SLC14A2: variants seen among roughly 807,000 people sequenced by gnomAD.
SLC14A2 encodes solute carrier family 14 member 2, also known as urea transporter 2.
In SLC14A2, 91 loss-of-function variants were observed where a neutral mutation model predicts 104.6. The observed-to-expected ratio is 0.87, with a 90% CI of 0.73 to 1.04. The LOEUF is 1.04. SLC14A2 is among the 50% of genes least tolerant of loss of function. The probability of loss-of-function intolerance (pLI) is 0.00; values close to 1 mark genes in which losing one functional copy is unlikely to be tolerated. For missense variants in SLC14A2, 1,189 were observed against 1,156.0 expected, an observed-to-expected ratio of 1.03 and a Z score of -0.41; for synonymous variants, 476 against 466.4, an observed-to-expected ratio of 1.02 and a Z score of -0.27.
intron 2 of SLC14A2, among the ~76,000 whole-genome samples, chr18:45,609,474 T>C (rs1469946983): frequency 6.6e-6 from 1 of 152,166 alleles, no homozygotes; most frequent in Non-Finnish European, 1.5e-5. Flanking sequence ...CAACTACTTA[T>C]GGTTTTTACT....
At chr18:45,568,913 G>C (rs2044306151) in intron 2 of SLC14A2, among the ~76,000 whole-genome samples, 1 of 152,170 alleles carries the variant, frequency 6.6e-6, no homozygotes, top group South Asian at 2.1e-4. Context: ...TGGACACTAT[G>C]GAATTGATGG....
At chr18:45,278,502 G>T (rs2084727247) in intron 1 of SLC14A2, among the ~76,000 whole-genome samples, 2 of 152,172 alleles carry the variant, frequency 1.3e-5, no homozygotes, top group South Asian at 4.1e-4. Flanking sequence ...GAGCACCTGA[G>T]TTGGGCAGGA....
At chr18:45,600,028 G>T (rs8092620) in intron 2 of SLC14A2, among the ~76,000 whole-genome samples, 74,471 of 151,728 alleles carry the variant, frequency 0.49, 19,424 homozygotes, top group East Asian at 0.85. Context: ...CAATATCAGA[G>T]CCCTTCTCAG....
At chr18:45,332,578 GAACTTCTTTCAAGAGACTTCCAA>G (rs1251802639) in intron 1 of SLC14A2, among the ~76,000 whole-genome samples, 1 of 152,076 alleles carries the variant, frequency 6.6e-6, no homozygotes, top group Non-Finnish European at 1.5e-5. Context: ...GTTCCTGTAG[GAACTTCTTTCAAGAGACTTCCAA>G]AATAGTAGAA....
At chr18:45,224,177 T>G (rs182434368) in intron 1 of SLC14A2, among the ~76,000 whole-genome samples, 16 of 152,314 alleles carry the variant, frequency 1.1e-4, no homozygotes, top group Admixed American at 2.6e-4. Flanking sequence ...TGCTGTGCAG[T>G]GTCCTAGAGC....
At chr18:45,572,593 C>CATCT (rs989833088) in intron 2 of SLC14A2, among the ~76,000 whole-genome samples, 4 of 152,218 alleles carry the variant, frequency 2.6e-5, no homozygotes, top group Non-Finnish European at 4.4e-5. Context: ...CCTCACTATT[C>CATCT]ATCTATCTGT....
At chr18:45,347,228 C>T (rs1179046892) in intron 1 of SLC14A2, among the ~76,000 whole-genome samples, 1 of 151,954 alleles carries the variant, frequency 6.6e-6, no homozygotes, top group Non-Finnish European at 1.5e-5. Flanking sequence ...TGGTGGCATG[C>T]ACCTATAGTC....
rs1568304240 is a variant in SLC14A2, at chr18:45,626,943, CTCTG to C, written c.332-11_332-8del. 2.5e-6 allele frequency: 4 copies of C among 1,603,290 alleles called. No individual in the cohort carries two copies. The highest frequency in any genetic ancestry group is 2.2e-5 in the South Asian group (2 of 90,272). The stretch of plus-strand genomic sequence containing the variant: ...AAGCTGGACCTGCTGATGGCTCGCT[CTCTG>C]TCTCTTTCAGACAAGCACCTTGCCC... On this transcript the variant is annotated splice_polypyrimidine_tract_variant and intron_variant, in intron 3 of 19. Transcript: ENST00000255226.
chr18:45,188,054 C>T, the SLC14A2 span, among the ~76,000 whole-genome samples: 8 of 152,134 alleles, frequency 5.3e-5, no homozygotes, highest in East Asian at 1.2e-3. Context: ...CATCAAATTT[C>T]CCGGTTGGGA....
intron 1 of SLC14A2, among the ~76,000 whole-genome samples, chr18:45,289,783 G>A (rs1198251372): frequency 6.6e-6 from 1 of 152,152 alleles, no homozygotes; most frequent in African/African-American, 2.4e-5. Flanking sequence ...CCTATAAGAA[G>A]TGCCAATGTG....
chr18:45,677,146 C>T (rs775696363), intron 18 of SLC14A2, among the ~76,000 whole-genome samples: 6 of 152,214 alleles, frequency 3.9e-5, no homozygotes, highest in Non-Finnish European at 8.8e-5. Context: ...TCCTCTCTCC[C>T]GACTCTGCAA....
chr18:45,481,583 T>C (rs2087493942), intron 1 of SLC14A2, among the ~76,000 whole-genome samples: 1 of 152,220 alleles, frequency 6.6e-6, no homozygotes, highest in African/African-American at 2.4e-5. Context: ...TGGTGGTATC[T>C]ATGTATACAA....
At chr18:45,415,028 C>G (rs935263573) in intron 1 of SLC14A2, among the ~76,000 whole-genome samples, 1 of 151,646 alleles carries the variant, frequency 6.6e-6, no homozygotes, top group Non-Finnish European at 1.5e-5. Context: ...TATCTTAAAC[C>G]AAAAAGGTTA....
intron 2 of SLC14A2, among the ~76,000 whole-genome samples, chr18:45,526,897 T>C (rs1284916507): frequency 6.6e-6 from 1 of 152,116 alleles, no homozygotes; most frequent in East Asian, 1.9e-4. Context: ...AGAGAAAACT[T>C]AATCATGGAA....
chr18:45,643,221 T>G, intron 9 of SLC14A2, 40 bp downstream of exon 9: 19 of 1,567,776 alleles, frequency 1.2e-5, no homozygotes, highest in South Asian at 2.2e-5. Context: ...CAAAGTGCTC[T>G]TCCCAGAGCT....
At chr18:45,508,787 G>A (rs2043322816) in intron 2 of SLC14A2, among the ~76,000 whole-genome samples, 1 of 152,136 alleles carries the variant, frequency 6.6e-6, no homozygotes, top group Admixed American at 6.5e-5. Flanking sequence ...CTTTATCAAA[G>A]GGCTACTAGG....
At chr18:45,295,050 A>C (rs1215901798) in intron 1 of SLC14A2, among the ~76,000 whole-genome samples, 1 of 152,156 alleles carries the variant, frequency 6.6e-6, no homozygotes, top group African/African-American at 2.4e-5. Flanking sequence ...TGGACACGTA[A>C]TGTGCTGCGA....
chr18:45,333,611 A>T lies in SLC14A2; in HGVS notation c.-125+120420A>T, dbSNP rs1019310935. ...ACTCATGAATCTTTACTGAAGGCTC[A>T]TGAAGAACATCACCTTTTTGCTAGG... On this transcript the variant is annotated intron_variant, in intron 1 of 20. Transcript: ENST00000586448. Among the ~76,000 whole-genome samples, 43 of 152,250 alleles carry T rather than the reference A, an allele frequency of 2.8e-4. 2 individuals are homozygous for T.
chr18:45,673,721 G>A lies in SLC14A2; in HGVS notation c.2416G>A (p.Gly806Ser), dbSNP rs557764530. ...IATPFDSIYF[G>S]LCGFNSTLAC... ...GACGCCCTTTGACTCCATCTACTTC[G>A]GCCTGTGTGGCTTCAACAGCACCCT... The change falls in exon 18 of 20, where the codon GGC becomes AGC. Residue 806 changes from glycine to serine, a missense_variant. Coordinates refer to ENST00000255226, the MANE Select transcript of SLC14A2 (RefSeq NM_007163.4). 20 of 1,614,078 alleles carry A rather than the reference G, an allele frequency of 1.2e-5. No individual in the cohort carries two copies. The highest frequency in any genetic ancestry group is 1.6e-4 in the Middle Eastern group (1 of 6,062).
Sources: allele counts gnomAD v4.1 joint callset (sites outside exome capture counted in the v4.1 genomes callset), GRCh38; gene constraint gnomAD v4.1.1; transcripts MANE v1.5; gene names NCBI Gene and HGNC (gene_info 2026-07-23, HGNC 2026-07-21).